The following OR1J2 variants were observed in gnomAD, a reference collection of about 807,000 sequenced individuals.
OR1J2 encodes the protein olfactory receptor 1J2.
For missense variants in OR1J2, 304 were observed against 246.1 expected (o/e 1.24, Z -1.57); for synonymous variants, 142 against 99.7 (o/e 1.42, Z -2.52).
chr9:122,527,347 T>A, the OR1J2 span: 3 of 1,119,858 alleles, frequency 2.7e-6, no homozygotes, highest in African/African-American at 3.1e-5. Flanking sequence ...AGATTTCATC[T>A]ACAACTGTGT....
At chr9:122,572,225 C>T in the OR1J2 span, among the ~76,000 whole-genome samples, 235 of 152,308 alleles carry the variant, frequency 1.5e-3, 1 homozygote, top group African/African-American at 5.4e-3. Flanking sequence ...ACCTTCAACA[C>T]TGGAGATTAA....
chr9:122,541,325 C>T, the OR1J2 span, among the ~76,000 whole-genome samples: 2 of 152,080 alleles, frequency 1.3e-5, no homozygotes, highest in Admixed American at 1.3e-4. Flanking sequence ...CCTCAAAAGG[C>T]CCAGAAACCG....
chr9:122,479,797 T>G, the OR1J2 span, among the ~76,000 whole-genome samples: 1 of 152,224 alleles, frequency 6.6e-6, no homozygotes, highest in Non-Finnish European at 1.5e-5. Flanking sequence ...AGACCTAGAA[T>G]CTATCATAAC....
At chr9:122,533,128 A>G in the OR1J2 span, among the ~76,000 whole-genome samples, 1 of 152,180 alleles carries the variant, frequency 6.6e-6, no homozygotes, top group African/African-American at 2.4e-5. Flanking sequence ...TTCGAGATCC[A>G]GAACAGAATA....
the OR1J2 span, among the ~76,000 whole-genome samples, chr9:122,554,825 A>G: frequency 1.3e-5 from 2 of 152,334 alleles, no homozygotes; most frequent in Non-Finnish European, 1.5e-5. Flanking sequence ...TAAATAGATT[A>G]AAAGTAATCA....
chr9:122,481,889 G>A, the OR1J2 span, among the ~76,000 whole-genome samples: 1 of 152,078 alleles, frequency 6.6e-6, no homozygotes, highest in African/African-American at 2.4e-5. Flanking sequence ...TTAAATATAA[G>A]ATCCAAAACA....
At chr9:122,519,194 C>T in the OR1J2 span, 1 of 1,613,902 alleles carries the variant, frequency 6.2e-7, no homozygotes, top group South Asian at 1.1e-5. Context: ...TGGACCTCCC[C>T]ATCTGGCCAG....
At chr9:122,465,608 T>A in the OR1J2 span, among the ~76,000 whole-genome samples, 1 of 152,208 alleles carries the variant, frequency 6.6e-6, no homozygotes, top group African/African-American at 2.4e-5. Flanking sequence ...GGTCCTAATA[T>A]TAAGCAATCT....
chr9:122,472,187 A>G, the OR1J2 span, among the ~76,000 whole-genome samples: 1 of 152,174 alleles, frequency 6.6e-6, no homozygotes, highest in Admixed American at 6.5e-5. Flanking sequence ...CTTGATCTGT[A>G]TGTTCTCCCC....
At chr9:122,500,002 A>G in the OR1J2 span, among the ~76,000 whole-genome samples, 2 of 152,310 alleles carry the variant, frequency 1.3e-5, no homozygotes, top group African/African-American at 4.8e-5. Flanking sequence ...GCACAATTAT[A>G]GCACCTACTG....
the OR1J2 span, among the ~76,000 whole-genome samples, chr9:122,577,175 A>C: frequency 6.6e-6 from 1 of 152,182 alleles, no homozygotes; most frequent in Admixed American, 6.5e-5. Flanking sequence ...TCTATGACCT[A>C]GTCTTTTTTT....
At chr9:122,480,392 A>T in the OR1J2 span, among the ~76,000 whole-genome samples, 3 of 152,162 alleles carry the variant, frequency 2.0e-5, no homozygotes, top group African/African-American at 7.2e-5. Context: ...TCCCTACCTC[A>T]CATCATTAGA....
At chr9:122,560,111 T>C in the OR1J2 span, among the ~76,000 whole-genome samples, 1 of 152,326 alleles carries the variant, frequency 6.6e-6, no homozygotes, top group South Asian at 2.1e-4. Flanking sequence ...TTTATTTTTG[T>C]TGGTTTAAAA....
At chr9:122,501,326 G>C in the OR1J2 span, among the ~76,000 whole-genome samples, 2 of 152,128 alleles carry the variant, frequency 1.3e-5, no homozygotes, top group Non-Finnish European at 2.9e-5. Context: ...AGCTGCCCCT[G>C]TAGACACTAC....
At chr9:122,478,710 C>A in the OR1J2 span, among the ~76,000 whole-genome samples, 1 of 152,042 alleles carries the variant, frequency 6.6e-6, no homozygotes, top group African/African-American at 2.4e-5. Context: ...AATCATAATA[C>A]GAAGTAAGCA....
the OR1J2 span, chr9:122,477,213 C>T: frequency 1.2e-6 from 2 of 1,614,110 alleles, no homozygotes; most frequent in Non-Finnish European, 1.7e-6. Flanking sequence ...CACAAGTGGA[C>T]AAGGCTTTGC....
chr9:122,466,999 T>C, the OR1J2 span, among the ~76,000 whole-genome samples: 1 of 152,082 alleles, frequency 6.6e-6, no homozygotes, highest in African/African-American at 2.4e-5. Flanking sequence ...TTTTGTATTT[T>C]TAGTAGAGAC....
At chr9:122,505,367 C>T in the OR1J2 span, among the ~76,000 whole-genome samples, 6 of 152,136 alleles carry the variant, frequency 3.9e-5, no homozygotes, top group Admixed American at 3.9e-4. Flanking sequence ...TTCTCTTTCT[C>T]TTCTTACAAA....
the OR1J2 span, among the ~76,000 whole-genome samples, chr9:122,530,618 T>C: frequency 2.6e-5 from 4 of 152,214 alleles, no homozygotes; most frequent in Non-Finnish European, 5.9e-5. Context: ...CATGCACGTC[T>C]GTGTGAAGAG....
Sources: gnomAD v4.1 joint callset for allele counts (sites outside exome capture counted in the v4.1 genomes callset) on GRCh38, gnomAD v4.1.1 for gene constraint, MANE v1.5 for transcripts, NCBI Gene and HGNC (gene_info 2026-07-23, HGNC 2026-07-21) for gene names.